Variants in PCDHGA3 observed in about 807,000 individuals in gnomAD.
PCDHGA3 encodes the protein protocadherin gamma subfamily A, 3, also known as protocadherin gamma-A3.
PCDHGA3 carries 40 observed loss-of-function variants against 58.5 expected under a neutral mutation model. The observed-to-expected ratio is 0.68, with a 90% CI of 0.53 to 0.89. PCDHGA3 has a LOEUF of 0.89. PCDHGA3 is among the 40% of genes least tolerant of loss of function. The probability of loss-of-function intolerance (pLI) is 0.00; values close to 1 mark genes in which losing one functional copy is unlikely to be tolerated. For synonymous variants in PCDHGA3, 530 were observed against 525.7 expected, an observed-to-expected ratio of 1.01 and a Z score of -0.11; for missense variants, 1,223 against 1,195.9, an observed-to-expected ratio of 1.02 and a Z score of -0.33.
intron 1 of PCDHGA3, chr5:141,383,806 A>C: frequency 6.2e-7 from 1 of 1,614,006 alleles, no homozygotes; most frequent in Non-Finnish European, 8.5e-7. Context: ...AGAAATATCA[A>C]CTTTAGAAGG....
intron 1 of PCDHGA3, chr5:141,364,368 T>A (rs1474327704): frequency 6.4e-7 from 1 of 1,565,420 alleles, no homozygotes; most frequent in African/African-American, 1.4e-5. Flanking sequence ...TGCGGAGAGC[T>A]GCTGCTGCCC....
intron 1 of PCDHGA3, chr5:141,372,544 G>A (rs1768857250): frequency 2.5e-6 from 4 of 1,613,872 alleles, no homozygotes; most frequent in African/African-American, 1.3e-5. Context: ...CGCCTGCGAT[G>A]CTCCTCCAGA....
Position 141,499,370 on chromosome 5 carries a change from A to T in PCDHGA3, c.2483+4505A>T, listed in dbSNP as rs546430948. ...CATTCAACAAACAAATAGCAACTTA[A>T]TTTTTTTCCACTTATAAAATAGTAC... On this transcript the variant is annotated intron_variant, in intron 2 of 3. Coordinates refer to ENST00000253812, the MANE Select transcript of PCDHGA3 (RefSeq NM_018916.4). 2.0e-3 allele frequency among the ~76,000 whole-genome samples: 300 copies of T among 152,286 alleles called. 1 individual carries two copies. The highest frequency in any genetic ancestry group is 2.7e-3 in the Non-Finnish European group (184 of 68,028).
intron 1 of PCDHGA3, chr5:141,352,085 G>A (rs774653294): frequency 6.2e-7 from 1 of 1,604,862 alleles, no homozygotes; most frequent in Non-Finnish European, 8.5e-7. Context: ...GCAGGCCAGC[G>A]AGCCCGGGCT....
Position 141,432,465 on chromosome 5 carries a change from C to T in PCDHGA3, c.2425-62342C>T. 3 of 1,614,222 alleles carry T rather than the reference C, an allele frequency of 1.9e-6. No individual in the cohort carries two copies. The highest frequency in any genetic ancestry group is 2.5e-6 in the Non-Finnish European group (3 of 1,180,050). On this transcript the variant is annotated intron_variant, in intron 1 of 3. Transcript: ENST00000253812. This position sits in a 1 kb window ranked among gnomAD's most constrained non-coding sequence, Gnocchi z 6.0. The stretch of plus-strand genomic sequence containing the variant: ...GAGATCCTGTACCCCGCCCTCCCCA[C>T]GGACGGTTCCACTGGCGTGGAGCTG...
intron 1 of PCDHGA3, chr5:141,413,247 CGGGATTCCAT>C: frequency 6.2e-7 from 1 of 1,613,940 alleles, no homozygotes; most frequent in South Asian, 1.1e-5. Flanking sequence ...GCCTTTTCTT[CGGGATTCCAT>C]GGGAGGCTGG....
chr5:141,351,986 C>A lies in PCDHGA3; in HGVS notation c.2424+5529C>A, dbSNP rs776609502. ...CTCCGCCCTCTTCGATATGGTGCCACGCGCCGCAGAGCCCGGCTACCTGGT... is the reference window on the plus strand; with the variant it reads ...CTCCGCCCTCTTCGATATGGTGCCAAGCGCCGCAGAGCCCGGCTACCTGGT... On this transcript the variant is annotated intron_variant, in intron 1 of 3. Transcript: ENST00000253812. 3.7e-6 allele frequency: 6 copies of A among 1,611,658 alleles called. No individual in the cohort carries two copies. The highest frequency in any genetic ancestry group is 5.1e-6 in the Non-Finnish European group (6 of 1,179,586).
Position 141,487,781 on chromosome 5 carries a change from G to T in PCDHGA3, c.2425-7026G>T. ...AGACGCTGTGCTTTGTAACTGTTTC[G>T]TGAATTAACCAGAGTTGTCACAGTT... On this transcript the variant is annotated intron_variant, in intron 1 of 3. Transcript: ENST00000253812. This position sits in a 1 kb window ranked among gnomAD's most constrained non-coding sequence, Gnocchi z 5.0. 2 of 1,526,850 alleles carry T rather than the reference G, an allele frequency of 1.3e-6. No homozygotes were observed. The highest frequency in any genetic ancestry group is 8.8e-7 in the Non-Finnish European group (1 of 1,130,880). The allele number at this position is 1,526,850 out of a possible 1,614,324, so 94.6% of individuals were successfully genotyped here. A position where few individuals can be genotyped will look rare whatever the true frequency, so the allele number is the denominator to read the frequency against.
In PCDHGA3 at chr5:141,511,036, G is replaced by T; in HGVS notation, c.2662G>T (p.Val888Leu). The T allele has an allele frequency of 1.2e-6, 2 of 1,614,200 alleles. No homozygotes were observed. The highest frequency in any genetic ancestry group is 1.7e-6 in the Non-Finnish European group (2 of 1,180,024). Residue 888 changes from valine to leucine, a missense_variant, in exon 4 of 4, where the codon GTG (valine) becomes TTG (leucine). This residue lies in a region of PCDHGA3 where 325 missense variants were observed against 327.5 expected (regional missense o/e 0.99). Transcript: ENST00000253812. ...RYGPQFTLQHVPDYRQNVYIP... is the reference protein window; with the variant it reads ...RYGPQFTLQHLPDYRQNVYIP... Reference sequence around the variant, plus strand: ...CGGACCCCAGTTCACCCTGCAGCACGTGCCCGACTACCGCCAGAATGTCTA... The same window carrying T: ...CGGACCCCAGTTCACCCTGCAGCACTTGCCCGACTACCGCCAGAATGTCTA...
rs994740663 is a variant in PCDHGA3, at chr5:141,477,022, G to T, written c.2425-17785G>T. ...TATTCGCCTTAGACCTTGTAACCGG[G>T]ATGCTGACAATCAAGGGTCGGCTGG... On this transcript the variant is annotated intron_variant, in intron 1 of 3. Transcript: ENST00000253812. The surrounding 1 kb of genome is among the most constrained non-coding windows in gnomAD (Gnocchi z 4.9). 6.2e-7 allele frequency: 1 copy of T among 1,614,240 alleles called. No homozygotes were observed. Among genetic ancestry groups the T allele is most frequent in the African/African-American group, 1.3e-5 (1 of 75,074 alleles).
In PCDHGA3 at chr5:141,485,111, G is replaced by C. The variant is rs2099607127; in HGVS notation, c.2425-9696G>C. On this transcript the variant is annotated intron_variant, in intron 1 of 3. Coordinates refer to ENST00000253812, the MANE Select transcript of PCDHGA3 (RefSeq NM_018916.4). The surrounding 1 kb of genome is among the most constrained non-coding windows in gnomAD (Gnocchi z 5.7). The stretch of plus-strand genomic sequence containing the variant: ...ATAGGTGTCTCCAGCTGCTGTGGCT[G>C]TTTGGGGCGGGTCGGCTTCATCCGC... 5.4e-6 allele frequency: 7 copies of C among 1,287,562 alleles called. No individual in the cohort carries two copies. The highest frequency in any genetic ancestry group is 7.8e-6 in the Non-Finnish European group (7 of 899,436). 79.8% of individuals were successfully genotyped at this position (1,287,562 alleles called of 1,614,324 possible). A position where few individuals can be genotyped will look rare whatever the true frequency, so the allele number is the denominator to read the frequency against.
At position 141,477,579 on chromosome 5, in the gene PCDHGA3, A is replaced by G. The variant is rs774773400; in HGVS notation, c.2425-17228A>G. The stretch of plus-strand genomic sequence containing the variant: ...AGTGTCTGGGACCCCGACGCCCCGC[A>G]GAATGCTCGGCTTTCTTTCTTTCTC... On this transcript the variant is annotated intron_variant, in intron 1 of 3. Coordinates refer to ENST00000253812, the MANE Select transcript of PCDHGA3 (RefSeq NM_018916.4). The surrounding 1 kb of genome is among the most constrained non-coding windows in gnomAD (Gnocchi z 4.9). The G allele has an allele frequency of 1.7e-5, 27 of 1,614,036 alleles. No individual in the cohort carries two copies. The highest frequency in any genetic ancestry group is 2.0e-5 in the Non-Finnish European group (24 of 1,180,036).
chr5:141,417,618 G>A (rs370911891), intron 1 of PCDHGA3: 3 of 654,230 alleles, frequency 4.6e-6, no homozygotes, highest in Non-Finnish European at 7.4e-6. Context: ...CCAGTGCAGA[G>A]CAAGCGCTGA....
chr5:141,443,183 TTCTC>T (rs2098370937), intron 1 of PCDHGA3, among the ~76,000 whole-genome samples: 1 of 152,184 alleles, frequency 6.6e-6, no homozygotes, highest in Non-Finnish European at 1.5e-5. Context: ...CACTGCATCA[TTCTC>T]TATAGTACAA....
At chr5:141,385,042 A>C (rs1308417984) in intron 1 of PCDHGA3, 1 of 1,614,150 alleles carries the variant, frequency 6.2e-7, no homozygotes, top group Non-Finnish European at 8.5e-7. Flanking sequence ...GCTGGCGCTC[A>C]GGCTGCGGCG....
intron 1 of PCDHGA3, among the ~76,000 whole-genome samples, chr5:141,449,310 A>G (rs1006876700): frequency 4.6e-5 from 7 of 152,112 alleles, no homozygotes; most frequent in Non-Finnish European, 7.4e-5. Context: ...TATGTATTAT[A>G]TAATTGTATC....
At chr5:141,375,595 C>T (rs1444867378) in intron 1 of PCDHGA3, 13 of 1,614,066 alleles carry the variant, frequency 8.1e-6, no homozygotes, top group African/African-American at 1.3e-5. Flanking sequence ...TGTCCTCCTA[C>T]GTGTCCATCA....
At position 141,465,659 on chromosome 5, in the gene PCDHGA3, T is replaced by C. The variant is rs184749770; in HGVS notation, c.2425-29148T>C. Among the ~76,000 whole-genome samples the C allele has an allele frequency of 3.5e-4, 53 of 152,318 alleles. 1 individual carries two copies. Among genetic ancestry groups the C allele is most frequent in the African/African-American group, 1.2e-3 (50 of 41,576 alleles). ...TGCTTTGAACATCCCAAAAAAGCGC[T>C]TGCCATGACATTTGCTCTTGACCAG... On this transcript the variant is annotated intron_variant, in intron 1 of 3. Transcript: ENST00000253812.
At chr5:141,414,473 G>T (rs371832510) in intron 1 of PCDHGA3, 1 of 1,613,908 alleles carries the variant, frequency 6.2e-7, no homozygotes, top group Non-Finnish European at 8.5e-7. Flanking sequence ...GATGGGGGAA[G>T]TCCTCCTCTA....
Sources: gnomAD v4.1 joint callset for allele counts (sites outside exome capture counted in the v4.1 genomes callset) on GRCh38, gnomAD v4.1.1 for gene constraint, gnomAD v4.1.1 regional missense constraint, Gnocchi (gnomAD v3.1) non-coding constraint, MANE v1.5 for transcripts, NCBI Gene and HGNC (gene_info 2026-07-23, HGNC 2026-07-21) for gene names.